The following AOPEP variants were observed in gnomAD, a reference collection of about 807,000 sequenced individuals.
The protein encoded by AOPEP is aminopeptidase O.
In AOPEP, 77 loss-of-function variants were observed where a neutral mutation model predicts 98.1. The ratio of observed to expected loss-of-function variants is 0.78; its 90% CI spans 0.65 to 0.95. The LOEUF (loss-of-function observed/expected upper bound fraction) is 0.95. Among genes scored for constraint, AOPEP ranks in the 40% least tolerant of loss-of-function variants. The pLI is 0.00. For missense variants in AOPEP, 1,024 were observed against 1,024.7 expected, an observed-to-expected ratio of 1.00 and a Z score of 0.01; for synonymous variants, 346 against 365.3, an observed-to-expected ratio of 0.95 and a Z score of 0.60.
Position 94,909,674 on chromosome 9 carries a change from AC to A in AOPEP, c.1365-14311del, listed in dbSNP as rs2051720700. ...CAAAAGCCTGTGTGAATGTAACTACACAGGGTGGCATACGCTGATGTCTGCC... is the reference window on the plus strand; with the variant it reads ...CAAAAGCCTGTGTGAATGTAACTACAAGGGTGGCATACGCTGATGTCTGCC... On this transcript the variant is annotated intron_variant, in intron 5 of 16. Transcript: ENST00000375315. Among the ~76,000 whole-genome samples, 2 of 152,196 alleles carry A rather than the reference AC, an allele frequency of 1.3e-5. 1 individual carries two copies. Among genetic ancestry groups the A allele is most frequent in the South Asian group, 4.1e-4 (2 of 4,830 alleles).
intron 5 of AOPEP, among the ~76,000 whole-genome samples, chr9:94,853,863 A>G (rs1470764074): frequency 6.6e-6 from 1 of 152,216 alleles, no homozygotes. Context: ...TGGTACACGC[A>G]TGGAGAAGCA....
intron 14 of AOPEP, among the ~76,000 whole-genome samples, chr9:95,068,865 G>T (rs1031033832): frequency 1.3e-5 from 2 of 152,156 alleles, no homozygotes; most frequent in Non-Finnish European, 2.9e-5. Flanking sequence ...GGAGTAAAAC[G>T]TGATATGGCT....
intron 1 of AOPEP, among the ~76,000 whole-genome samples, chr9:94,728,825 G>A (rs1025053998): frequency 2.6e-5 from 4 of 152,222 alleles, no homozygotes; most frequent in African/African-American, 9.6e-5. Context: ...GGTGGGCACA[G>A]ACGTGAGTGA....
the AOPEP span, chr9:95,107,335 AT>A: frequency 6.5e-7 from 1 of 1,533,464 alleles, no homozygotes. Context: ...TCTAGGATTT[AT>A]TTATTTGCTT....
At chr9:95,053,459 A>G (rs2066557831) in intron 13 of AOPEP, among the ~76,000 whole-genome samples, 1 of 152,188 alleles carries the variant, frequency 6.6e-6, no homozygotes, top group African/African-American at 2.4e-5. Flanking sequence ...ATTCCATTGC[A>G]TGGCTACATA....
At chr9:95,043,405 AAG>A (rs2065540654) in intron 13 of AOPEP, among the ~76,000 whole-genome samples, 1 of 152,090 alleles carries the variant, frequency 6.6e-6, no homozygotes, top group East Asian at 1.9e-4. Context: ...TGCTGACATA[AAG>A]AGAAATTTTC....
chr9:95,107,718 T>C, the AOPEP span, among the ~76,000 whole-genome samples: 327 of 151,868 alleles, frequency 2.2e-3, 1 homozygote, highest in African/African-American at 6.7e-3. Context: ...ATATTGGGGG[T>C]CAGGGCGGGG....
intron 5 of AOPEP, among the ~76,000 whole-genome samples, chr9:94,884,059 C>T (rs575786055): frequency 1.2e-4 from 19 of 152,324 alleles, no homozygotes; most frequent in African/African-American, 4.6e-4. Context: ...CTGCTTCATG[C>T]GCACCTGCCT....
intron 9 of AOPEP, among the ~76,000 whole-genome samples, chr9:94,960,288 G>A (rs1167415780): frequency 6.6e-6 from 1 of 151,984 alleles, no homozygotes. Context: ...GTGAGTGCCT[G>A]TAATCCCAAC....
chr9:94,817,208 T>C (rs1274468326), intron 5 of AOPEP, among the ~76,000 whole-genome samples: 2 of 152,160 alleles, frequency 1.3e-5, no homozygotes, highest in Non-Finnish European at 2.9e-5. Context: ...TTTCGCCACG[T>C]TGTCCAGGCT....
At chr9:94,982,565 CTTTTTT>C (rs532615813) in intron 11 of AOPEP, among the ~76,000 whole-genome samples, 2 of 134,586 alleles carry the variant, frequency 1.5e-5, no homozygotes, top group Admixed American at 7.6e-5. Context: ...AAGAGCAATA[CTTTTTT>C]TTTTTTTTTT....
chr9:94,967,593 C>G (rs1288908724), intron 9 of AOPEP, among the ~76,000 whole-genome samples, 165 bp from the exon 10 acceptor site: 2 of 151,994 alleles, frequency 1.3e-5, no homozygotes, highest in African/African-American at 4.8e-5. Context: ...CGATTGAAAC[C>G]CTGGGAAATT....
chr9:95,109,164 G>A, the AOPEP span, among the ~76,000 whole-genome samples: 1 of 151,982 alleles, frequency 6.6e-6, no homozygotes, highest in East Asian at 1.9e-4. Flanking sequence ...CGGCCACCTC[G>A]GCCTTCCAAA....
intron 3 of AOPEP, among the ~76,000 whole-genome samples, chr9:94,778,748 C>G (rs933984033): frequency 6.6e-6 from 1 of 152,054 alleles, no homozygotes; most frequent in African/African-American, 2.4e-5. Flanking sequence ...ACATTTATGG[C>G]CAGGCGTGGT....
At chr9:94,766,683 G>A (rs1195247316) in intron 2 of AOPEP, among the ~76,000 whole-genome samples, 1 of 152,160 alleles carries the variant, frequency 6.6e-6, no homozygotes, top group Non-Finnish European at 1.5e-5. Context: ...ATTGAATGGA[G>A]GAAAATTCGG....
At chr9:94,931,786 C>T in intron 7 of AOPEP, 3 of 1,549,360 alleles carry the variant, frequency 1.9e-6, no homozygotes, top group Non-Finnish European at 2.6e-6. Context: ...CATGTTTGAC[C>T]ACTCTGTCCT....
At chr9:95,126,549 C>A in the AOPEP span, 1 of 1,614,016 alleles carries the variant, frequency 6.2e-7, no homozygotes, top group South Asian at 1.1e-5. Flanking sequence ...CATCAACAAC[C>A]CGGAATATGG....
chr9:94,887,251 G>A (rs2048348759), intron 5 of AOPEP, among the ~76,000 whole-genome samples: 1 of 152,108 alleles, frequency 6.6e-6, no homozygotes, highest in Non-Finnish European at 1.5e-5. Flanking sequence ...GGGGAGCTGA[G>A]GTGGGAGGAT....
chr9:95,054,520 C>G (rs1023695130), intron 13 of AOPEP, among the ~76,000 whole-genome samples: 3 of 152,090 alleles, frequency 2.0e-5, no homozygotes, highest in African/African-American at 7.2e-5. Context: ...AATAATAGCA[C>G]GGGAACATTT....
Sources: allele counts gnomAD v4.1 joint callset (sites outside exome capture counted in the v4.1 genomes callset), GRCh38; gene constraint gnomAD v4.1.1; transcripts MANE v1.5; gene names NCBI Gene and HGNC (gene_info 2026-07-23, HGNC 2026-07-21).